The following MARCHF11 variants were observed in gnomAD, a reference collection of about 807,000 sequenced individuals.
MARCHF11 encodes membrane associated ring-CH-type finger 11.
MARCHF11 carries 29 observed loss-of-function variants against 37.3 expected under a neutral mutation model. The ratio of observed to expected loss-of-function variants is 0.78; its 90% confidence interval spans 0.58 to 1.06. The LOEUF (loss-of-function observed/expected upper bound fraction) is 1.06, where lower values mean the gene tolerates loss of function less well. Ranked by LOEUF, MARCHF11 falls within the 50% of genes least tolerant of loss-of-function variation. MARCHF11 has a pLI of 0.00. For missense variants in MARCHF11, 482 were observed against 533.4 expected (o/e 0.90, Z 0.95); for synonymous variants, 233 against 228.0 (o/e 1.02, Z -0.20).
intron 2 of MARCHF11, among the ~76,000 whole-genome samples, chr5:16,166,319 C>T (rs1738167732): frequency 6.6e-6 from 1 of 151,942 alleles, no homozygotes; most frequent in Non-Finnish European, 1.5e-5. Context: ...CACTCAGGTG[C>T]CACTAATACT....
At chr5:16,151,439 A>C (rs1272502124) in intron 2 of MARCHF11, among the ~76,000 whole-genome samples, 2 of 151,768 alleles carry the variant, frequency 1.3e-5, no homozygotes, top group African/African-American at 4.8e-5. Flanking sequence ...TCACACAAAC[A>C]TTCCTAGACC....
intron 2 of MARCHF11, among the ~76,000 whole-genome samples, chr5:16,147,114 T>C (rs908338243): frequency 2.2e-4 from 34 of 152,148 alleles, no homozygotes; most frequent in African/African-American, 8.0e-4. Context: ...ATGCCATCTT[T>C]GAGGTGACTG....
Position 16,067,378 on chromosome 5 carries a change from A to G in MARCHF11, c.*93T>C, listed in dbSNP as rs1736365136. On this transcript the variant is annotated 3_prime_UTR_variant, in exon 4 of 4. Transcript: ENST00000332432. ...AGCATAAATTTTAAAAAGTTCATAG[A>G]TGTGTTTTTAGAAGTGCTATGGTTT... 3 of 1,145,596 alleles carry G rather than the reference A, an allele frequency of 2.6e-6. No homozygotes were observed. The Admixed American group carries it at 7.0e-5, about 27-fold the overall frequency. The allele number at this position is 1,145,596 out of a possible 1,614,324, so 71.0% of individuals were successfully genotyped here.
chr5:16,079,548 C>T (rs972466885), intron 3 of MARCHF11, among the ~76,000 whole-genome samples: 2 of 152,206 alleles, frequency 1.3e-5, no homozygotes, highest in Admixed American at 1.3e-4. Context: ...CTCTTCATCC[C>T]TATTGGGCAA....
intron 2 of MARCHF11, among the ~76,000 whole-genome samples, chr5:16,097,298 AG>A (rs1389325961): frequency 6.6e-6 from 1 of 152,226 alleles, no homozygotes; most frequent in Non-Finnish European, 1.5e-5. Flanking sequence ...CTGTATTTAT[AG>A]GCTGCATATT....
At chr5:16,137,515 T>C (rs1560986022) in intron 2 of MARCHF11, among the ~76,000 whole-genome samples, 1 of 152,170 alleles carries the variant, frequency 6.6e-6, no homozygotes, top group Non-Finnish European at 1.5e-5. Flanking sequence ...TTCATAGCAG[T>C]ATTAAAATTG....
intron 2 of MARCHF11, among the ~76,000 whole-genome samples, chr5:16,102,393 G>A (rs929212165): frequency 6.6e-6 from 1 of 152,180 alleles, no homozygotes; most frequent in Admixed American, 6.5e-5. Flanking sequence ...GATCCTAAAT[G>A]AGAACTTGAC....
At chr5:16,096,898 C>G (rs1051879254) in intron 2 of MARCHF11, among the ~76,000 whole-genome samples, 1 of 152,166 alleles carries the variant, frequency 6.6e-6, no homozygotes, top group Non-Finnish European at 1.5e-5. Context: ...ATAGCACATG[C>G]GCAGAGGGAA....
chr5:16,156,375 C>T (rs367635550), intron 2 of MARCHF11, among the ~76,000 whole-genome samples: 1 of 151,916 alleles, frequency 6.6e-6, no homozygotes, highest in East Asian at 1.9e-4. Flanking sequence ...ACATAGTTAG[C>T]ACCTTATTTT....
intron 3 of MARCHF11, among the ~76,000 whole-genome samples, chr5:16,075,044 G>A (rs554858410): frequency 2.6e-5 from 4 of 152,350 alleles, no homozygotes; most frequent in Non-Finnish European, 4.4e-5. Context: ...CCAATTGTCA[G>A]ATGGAGTCTC....
chr5:16,139,677 T>C (rs1035334793), intron 2 of MARCHF11, among the ~76,000 whole-genome samples: 4 of 152,174 alleles, frequency 2.6e-5, no homozygotes, highest in Non-Finnish European at 5.9e-5. Flanking sequence ...TAATTCACAA[T>C]GAACATCTAA....
intron 2 of MARCHF11, among the ~76,000 whole-genome samples, chr5:16,165,307 T>C (rs1286844107): frequency 6.6e-6 from 1 of 152,108 alleles, no homozygotes; most frequent in African/African-American, 2.4e-5. Flanking sequence ...ACAAAGGTTG[T>C]GCAAACAATG....
At chr5:16,161,311 A>T (rs60697548) in intron 2 of MARCHF11, among the ~76,000 whole-genome samples, 3 of 151,336 alleles carry the variant, frequency 2.0e-5, no homozygotes, top group South Asian at 4.2e-4. Context: ...CCTAAAAATG[A>T]TCTGTCTTCC....
intron 3 of MARCHF11, among the ~76,000 whole-genome samples, chr5:16,079,961 T>C (rs1408839860): frequency 2.0e-5 from 3 of 152,038 alleles, no homozygotes; most frequent in Non-Finnish European, 2.9e-5. Flanking sequence ...ATCTCTGGAT[T>C]TTCACTCTTT....
chr5:16,124,696 G>A (rs1018424783), intron 2 of MARCHF11, among the ~76,000 whole-genome samples: 1 of 151,576 alleles, frequency 6.6e-6, no homozygotes, highest in South Asian at 2.1e-4. Flanking sequence ...CACAGAGAAG[G>A]GTAAAAGATG....
intron 2 of MARCHF11, among the ~76,000 whole-genome samples, chr5:16,099,153 G>T (rs186756567): frequency 6.6e-6 from 1 of 152,086 alleles, no homozygotes; most frequent in African/African-American, 2.4e-5. Flanking sequence ...ATTAGAAATG[G>T]GTTTACTAAT....
chr5:16,117,644 C>T (rs149700422), intron 2 of MARCHF11, among the ~76,000 whole-genome samples: 70 of 152,232 alleles, frequency 4.6e-4, no homozygotes, highest in African/African-American at 1.5e-3. Context: ...ATCCCAGCTA[C>T]GCAGGAGGCC....
At chr5:16,135,278 A>T (rs539655422) in intron 2 of MARCHF11, among the ~76,000 whole-genome samples, 1 of 152,280 alleles carries the variant, frequency 6.6e-6, no homozygotes, top group African/African-American at 2.4e-5. Context: ...AACCAATTAC[A>T]CAAGACAATG....
rs115073026 is a variant in MARCHF11, at chr5:16,122,966, C to A, written c.694-31885G>T. On this transcript the variant is annotated intron_variant, in intron 2 of 3. Coordinates refer to ENST00000332432, the MANE Select transcript of MARCHF11 (RefSeq NM_001102562.3). ...GTATTGCCCAGACAAGTCTTTCTTTCAGTGTTGATGCTGTGAGGCTGTAAA... is the reference window on the plus strand; with the variant it reads ...GTATTGCCCAGACAAGTCTTTCTTTAAGTGTTGATGCTGTGAGGCTGTAAA... Among the ~76,000 whole-genome samples, 671 of 152,312 alleles carry A rather than the reference C, an allele frequency of 4.4e-3. 8 individuals carry two copies. The highest frequency in any genetic ancestry group is 0.016 in the African/African-American group (650 of 41,568).
Sources: gnomAD v4.1 joint callset for allele counts (sites outside exome capture counted in the v4.1 genomes callset) on GRCh38, gnomAD v4.1.1 for gene constraint, MANE v1.5 for transcripts, NCBI Gene and HGNC (gene_info 2026-07-23, HGNC 2026-07-21) for gene names.